FLNA: variants seen among roughly 807,000 people sequenced by gnomAD.
FLNA encodes the protein filamin-A.
FLNA carries 7 observed loss-of-function variants against 157.6 expected under a neutral mutation model. The observed-to-expected ratio is 0.04, with a 90% confidence interval of 0.03 to 0.08. The LOEUF (loss-of-function observed/expected upper bound fraction) is 0.08. FLNA is among the 10% of genes least tolerant of loss of function. The pLI is 1.00. For missense variants in FLNA, 1,750 were observed against 2,398.4 expected (o/e 0.73, Z 5.65); for synonymous variants, 1,103 against 1,060.8 (o/e 1.04, Z -0.77).
rs782160183 is a variant in FLNA at position 154,353,317 on chromosome X, G to A, written c.6001C>T (p.Arg2001Trp). Reference sequence around the variant, plus strand: ...TTACCCACGTGGCCATTACGCAGCCGCTTCAGCAAACAGGGCTCCTCCCGG... The same window carrying A: ...TTACCCACGTGGCCATTACGCAGCCACTTCAGCAAACAGGGCTCCTCCCGG... The part of the protein sequence containing the change: ...SGREEPCLLK[R>W]LRNGHVGISF... The change falls in exon 37 of 48, where the codon CGG becomes TGG. Residue 2001 changes from arginine (R) to tryptophan (W), a missense_variant. Arg to Trp is a moderately radical substitution (Grantham distance 101). Transcript: ENST00000369850. 4.3e-5 allele frequency: 52 copies of A among 1,210,734 alleles called. No homozygotes were observed. The highest frequency in any genetic ancestry group is 1.4e-4 in the African/African-American group (8 of 57,535).
intron 15 of FLNA, among the ~76,000 whole-genome samples, chrX:154,363,670 G>A (rs903439124): frequency 1.8e-5 from 2 of 111,882 alleles, no homozygotes; most frequent in African/African-American, 3.2e-5. Context: ...CCGAGATCGC[G>A]CCATTGCACT....
In FLNA at chrX:154,356,753, G is replaced by A. The variant is rs782280353; in HGVS notation, c.4969+498C>T. ...GGCCGCCCAAGCAGTCGACACTGGC[G>A]CTACTGCACTACCAGCCAGCCCCAC... On this transcript the variant is annotated intron_variant, in intron 30 of 47. Coordinates refer to ENST00000369850, the MANE Select transcript of FLNA (RefSeq NM_001110556.2). Among the ~76,000 whole-genome samples, 8 of 112,641 alleles carry A rather than the reference G, an allele frequency of 7.1e-5. No individual in the cohort carries two copies. In the South Asian group the frequency reaches 1.4e-3, roughly 20 times the overall value.
intron 1 of FLNA, 134 bp downstream of exon 1, chrX:154,374,372 G>A (rs1557180937): frequency 8.9e-6 from 1 of 112,695 alleles, no homozygotes. Context: ...CATCCCAGCT[G>A]AACCTGGCCC....
In FLNA at chrX:154,360,514, C is replaced by A. The variant is rs1557177790; in HGVS notation, c.3281G>T (p.Gly1094Val). ...CAGGCCCAGGCCACCTGTGCCGGCG[C>A]CCTTGGTGTCGATGGTGAAGCGGGC... Reference protein sequence around the residue: ...SPARFTIDTKGAGTGGLGLTV... With the variant: ...SPARFTIDTKVAGTGGLGLTV... Residue 1094 changes from glycine to valine, a missense_variant, in exon 22 of 48, where the codon GGC becomes GTC. Around this residue, in one of 5 missense-constraint regions of FLNA, gnomAD observed 648 missense variants for 805.8 expected, o/e 0.80. Coordinates refer to ENST00000369850, the MANE Select transcript of FLNA (RefSeq NM_001110556.2). The A allele has an allele frequency of 8.3e-7, 1 of 1,210,095 alleles. No individual in the cohort carries two copies. The highest frequency in any genetic ancestry group is 1.1e-6 in the Non-Finnish European group (1 of 895,218).
chrX:154,371,221 C>A lies in FLNA; in HGVS notation c.25G>T (p.Gly9Cys), dbSNP rs782292045. ...GGAGCCGCGCCTGCTGCGCTCTGGCCCGCCCGAGAGTGGGAGCTACTCATT... is the reference window on the plus strand; with the variant it reads ...GGAGCCGCGCCTGCTGCGCTCTGGCACGCCCGAGAGTGGGAGCTACTCATT... MSSSHSRA[G>C]QSAAGAAPGG... is the part of the protein sequence containing the mutation. The change falls in exon 2 of 48, where the codon GGC becomes TGC. Residue 9 changes from glycine (G) to cysteine (C), a missense_variant. Coordinates refer to ENST00000369850, the MANE Select transcript of FLNA (RefSeq NM_001110556.2). The A allele has an allele frequency of 5.0e-5, 60 of 1,199,415 alleles. No individual in the cohort carries two copies. In the South Asian group the frequency reaches 9.2e-4, roughly 18 times the overall value.
At chrX:154,349,311 T>C (rs782046703) in intron 47 of FLNA, 51 bp downstream of exon 47, 5 of 1,146,684 alleles carry the variant, frequency 4.4e-6, no homozygotes, top group Admixed American at 4.3e-5. Context: ...CATCCTGTGA[T>C]TTCTGGCCTC....
At position 154,365,327 on chromosome X, in the gene FLNA, G is replaced by T. The variant is rs928838994; in HGVS notation, c.1567+22C>A. 5.0e-6 allele frequency: 6 copies of T among 1,210,685 alleles called. No homozygotes were observed. In the African/African-American group the frequency reaches 1.0e-4, roughly 21 times the overall value. On this transcript the variant is annotated intron_variant, in intron 10 of 47. Coordinates refer to ENST00000369850, the MANE Select transcript of FLNA (RefSeq NM_001110556.2). ...CCGGGGGCTGCCGCCACCCATCCTG[G>T]CCTGGCTCCAGGCCAACTTACTGGG...
At position 154,358,473 on chromosome X, in the gene FLNA, G is replaced by A. The variant is rs2067679435; in HGVS notation, c.4570C>T (p.Leu1524=). Residue 1524 remains leucine (L), a synonymous_variant, in exon 27 of 48, where the codon CTG becomes TTG. Coordinates refer to ENST00000369850, the MANE Select transcript of FLNA (RefSeq NM_001110556.2). ...SREGPYSISV[L]YGDEEVPRSP... ...CGGGGTACCTCTTCATCTCCATACA[G>A]TACTGAGATGCTGTAGGGCCCTTCT... 1 of 1,210,963 alleles carries A rather than the reference G, an allele frequency of 8.3e-7. No homozygotes were observed.
At position 154,371,276 on chromosome X, in the gene FLNA, C is replaced by A; in HGVS notation, c.-31G>T. 8.4e-7 allele frequency: 1 copy of A among 1,194,311 alleles called. No homozygotes were observed. Among genetic ancestry groups the A allele is most frequent in the South Asian group, 1.8e-5 (1 of 55,179 alleles). ...GGCGCGAGAAGCCGGGGGGGCGGTG[C>A]TGCAGCCTCGGCGAGGGGACGGCCC... On this transcript the variant is annotated 5_prime_UTR_variant, in exon 2 of 48. Coordinates refer to ENST00000369850, the MANE Select transcript of FLNA (RefSeq NM_001110556.2).
Position 154,352,640 on chromosome X carries a change from G to A in FLNA, c.6415C>T (p.Arg2139Trp), listed in dbSNP as rs782761341. 4.1e-6 allele frequency: 5 copies of A among 1,210,572 alleles called. No individual in the cohort carries two copies. The highest frequency in any genetic ancestry group is 3.0e-5 in the East Asian group (1 of 33,807). The change falls in exon 40 of 48, where the codon CGG (arginine) becomes TGG (tryptophan). Residue 2139 changes from arginine to tryptophan, a missense_variant. Transcript: ENST00000369850. ...PFSVKVTGEGRVKESITRRRR... is the reference protein window; with the variant it reads ...PFSVKVTGEGWVKESITRRRR... ...CTGCGGGTGATGCTCTCTTTCACCC[G>A]GCCCTCGCCTGTCACCTTCACAGAG...
chrX:154,372,913 G>T (rs891199657), intron 1 of FLNA, among the ~76,000 whole-genome samples: 1 of 112,217 alleles, frequency 8.9e-6, no homozygotes, highest in Non-Finnish European at 1.9e-5. Flanking sequence ...GCTGTGATCC[G>T]CCCAGCACAT....
In FLNA at chrX:154,359,039, C is replaced by T. The variant is rs782760458; in HGVS notation, c.4419G>A (p.Val1473=). 3.3e-6 allele frequency: 4 copies of T among 1,211,430 alleles called. No homozygotes were observed. In the South Asian group the frequency reaches 5.3e-5, roughly 16 times the overall value. Residue 1473 remains valine, a synonymous_variant, in exon 26 of 48, where the codon GTG becomes GTA. Coordinates refer to ENST00000369850, the MANE Select transcript of FLNA (RefSeq NM_001110556.2). ...VRANLPQSFQ[V]DTSKAGVAPL... ...GGGCCACACCAGCCTTGCTTGTGTC[C>T]ACCTGGAAGGACTGAGGGAGGTTGG... is the stretch of plus-strand genomic sequence containing the variant.
At position 154,362,550 on chromosome X, in the gene FLNA, G is replaced by A. The variant is rs35986650; in HGVS notation, c.2433C>T (p.Ala811=). 2,753 of 1,210,108 alleles carry A rather than the reference G, an allele frequency of 2.3e-3. 49 individuals carry two copies. The African/African-American group carries it at 0.041, about 18-fold the overall frequency. The change falls in exon 17 of 48, where the codon GCC becomes GCT. Residue 811 remains alanine, a synonymous_variant. Coordinates refer to ENST00000369850, the MANE Select transcript of FLNA (RefSeq NM_001110556.2). The part of the protein sequence containing the change: ...QGDVSIGIKC[A]PGVVGPAEAD... ...CTTCGGCGGGGCCTACCACTCCAGGGGCACACTTGATGCCGATGCTGACGT... is the reference window on the plus strand; with the variant it reads ...CTTCGGCGGGGCCTACCACTCCAGGAGCACACTTGATGCCGATGCTGACGT...
At position 154,371,208 on chromosome X, in the gene FLNA, G is replaced by T. The variant is rs1557180265; in HGVS notation, c.38C>A (p.Ala13Glu). 2 of 1,198,257 alleles carry T rather than the reference G, an allele frequency of 1.7e-6. No homozygotes were observed. The highest frequency in any genetic ancestry group is 6.0e-5 in the East Asian group (2 of 33,395). The change falls in exon 2 of 48, where the codon GCA (alanine) becomes GAA (glutamate). Residue 13 changes from alanine to glutamate, a missense_variant. Physicochemically the swap from Ala to Glu is moderately radical, Grantham distance 107. Coordinates refer to ENST00000369850, the MANE Select transcript of FLNA (RefSeq NM_001110556.2). ...GACGCCGCCGCCCGGAGCCGCGCCTGCTGCGCTCTGGCCCGCCCGAGAGTG... is the reference window on the plus strand; with the variant it reads ...GACGCCGCCGCCCGGAGCCGCGCCTTCTGCGCTCTGGCCCGCCCGAGAGTG... ...SSHSRAGQSAAGAAPGGGVDT... is the reference protein window; with the variant it reads ...SSHSRAGQSAEGAAPGGGVDT...
In FLNA at chrX:154,359,807, C is replaced by G; in HGVS notation, c.3904G>C (p.Gly1302Arg). 8 of 1,211,179 alleles carry G rather than the reference C, an allele frequency of 6.6e-6. No individual in the cohort carries two copies. Among genetic ancestry groups the G allele is most frequent in the Non-Finnish European group, 8.9e-6 (8 of 895,484 alleles). Residue 1302 changes from glycine (G) to arginine (R), a missense_variant, in exon 23 of 48, where the codon GGC (glycine) becomes CGC (arginine). Gly to Arg is a moderately radical substitution (Grantham distance 125). Coordinates refer to ENST00000369850, the MANE Select transcript of FLNA (RefSeq NM_001110556.2). ...TGAACGTAGGTCTCCGTCAGGTTGC[C>G]TGAGGGGTTGGCCACACGGGCCTTG... is the stretch of plus-strand genomic sequence containing the variant. ...HVKARVANPS[G>R]NLTETYVQDR...
intron 44 of FLNA, chrX:154,350,501 A>G (rs1227959716): frequency 7.4e-6 from 3 of 404,261 alleles, no homozygotes; most frequent in Non-Finnish European, 8.7e-6. Flanking sequence ...GCATGTTAAC[A>G]GGCTCAGAGA....
chrX:154,349,172 C>A (rs1205113422), intron 47 of FLNA, 136 bp from the exon 48 acceptor site: 1 of 780,249 alleles, frequency 1.3e-6, no homozygotes, highest in Non-Finnish European at 1.9e-6. Flanking sequence ...ACCTCCCCAA[C>A]CCAGGCCAGC....
In FLNA at chrX:154,371,188, C is replaced by G; in HGVS notation, c.58G>C (p.Gly20Arg). ...QSAAGAAPGGGVDTRDAEMPA... is the reference protein window; with the variant it reads ...QSAAGAAPGGRVDTRDAEMPA... ...ATCTCGGCGTCCCGCGTGTCGACGC[C>G]GCCGCCCGGAGCCGCGCCTGCTGCG... Residue 20 changes from glycine to arginine, a missense_variant, in exon 2 of 48, where the codon GGC (glycine) becomes CGC (arginine). Transcript: ENST00000369850. 1 of 1,195,328 alleles carries G rather than the reference C, an allele frequency of 8.4e-7. No individual in the cohort carries two copies. Among genetic ancestry groups the G allele is most frequent in the Non-Finnish European group, 1.1e-6 (1 of 887,949 alleles).
At chrX:154,368,471 G>A (rs2067780076) in intron 2 of FLNA, among the ~76,000 whole-genome samples, 1 of 112,602 alleles carries the variant, frequency 8.9e-6, no homozygotes, top group Non-Finnish European at 1.9e-5. Flanking sequence ...CACCTCAGGG[G>A]CCTATGGGGA....
Sources: gnomAD v4.1 joint callset for allele counts (sites outside exome capture counted in the v4.1 genomes callset) on GRCh38, gnomAD v4.1.1 for gene constraint, gnomAD v4.1.1 regional missense constraint, MANE v1.5 for transcripts, NCBI Gene and HGNC (gene_info 2026-07-23, HGNC 2026-07-21) for gene names.